Variants in SPATA31D1 observed in about 807,000 individuals in gnomAD.
SPATA31D1 encodes the protein spermatogenesis-associated protein 31D1.
SPATA31D1 carries 6 observed loss-of-function variants against 13.2 expected under a neutral mutation model. The observed-to-expected ratio is 0.46, with a 90% CI of 0.25 to 0.90. SPATA31D1 has a LOEUF of 0.90. Among genes scored for constraint, SPATA31D1 ranks in the 40% least tolerant of loss-of-function variants. SPATA31D1 has a pLI of 0.18. For missense variants in SPATA31D1, 2,445 were observed against 1,884.7 expected, an observed-to-expected ratio of 1.30 and a Z score of -5.50; for synonymous variants, 903 against 718.8, an observed-to-expected ratio of 1.26 and a Z score of -4.10.
At position 81,994,088 on chromosome 9, in the gene SPATA31D1, C is replaced by T; in HGVS notation, c.3618C>T (p.Ser1206=). 1 of 1,613,846 alleles carries T rather than the reference C, an allele frequency of 6.2e-7. No homozygotes were observed. Among genetic ancestry groups the T allele is most frequent in the Non-Finnish European group, 8.5e-7 (1 of 1,179,810 alleles). The change falls in exon 4 of 4, where the codon AGC becomes AGT. Residue 1206 remains serine, a synonymous_variant. Transcript: ENST00000344803. ...CATACCTTAAAAATCAGATGTTGAG[C>T]CAGTTAAAGTTGGTCCAGAGGAAGC... ...KSSYLKNQML[S]QLKLVQRKHS... is the part of the protein sequence containing the mutation.
Position 81,992,541 on chromosome 9 carries a change from A to G in SPATA31D1, c.2071A>G (p.Ile691Val). ...GGTAAGGAAGAAACTAGAGCAACAC[A>G]TTCGAAGGAGGCTCATCCAGCGCAG... ...SEVRKKLEQHIRRRLIQRRWG... is the reference protein window; with the variant it reads ...SEVRKKLEQHVRRRLIQRRWG... The change falls in exon 4 of 4, where the codon ATT (isoleucine) becomes GTT (valine). Residue 691 changes from isoleucine to valine, a missense_variant. By Grantham distance (29) the Ile-to-Val change is conservative. Coordinates refer to ENST00000344803, the MANE Select transcript of SPATA31D1 (RefSeq NM_001001670.3). 6 of 1,611,976 alleles carry G rather than the reference A, an allele frequency of 3.7e-6. No homozygotes were observed. Among genetic ancestry groups the G allele is most frequent in the South Asian group, 2.2e-5 (2 of 90,996 alleles).
chr9:81,994,285 C>A lies in SPATA31D1; in HGVS notation c.3815C>A (p.Pro1272His). 1.9e-6 allele frequency: 3 copies of A among 1,613,930 alleles called. No individual in the cohort carries two copies. The highest frequency in any genetic ancestry group is 1.3e-5 in the African/African-American group (1 of 75,020). The change falls in exon 4 of 4, where the codon CCC (proline) becomes CAC (histidine). Residue 1272 changes from proline (P) to histidine (H), a missense_variant. By Grantham distance (77) the Pro-to-His change is moderately conservative. Transcript: ENST00000344803. Reference protein sequence around the residue: ...SGIRVAQKQEPRVPTCVLQKC... With the variant: ...SGIRVAQKQEHRVPTCVLQKC... ...ATCCGTGTGGCACAGAAGCAGGAGC[C>A]CAGGGTCCCTACCTGTGTCTTACAG... is the stretch of plus-strand genomic sequence containing the variant.
intron 1 of SPATA31D1, 63 bp from the exon 2 acceptor site, chr9:81,989,704 GAATGAATGAAT>G: frequency 1.4e-6 from 2 of 1,457,744 alleles, no homozygotes; most frequent in Non-Finnish European, 1.9e-6. Flanking sequence ...ATGAATGAAT[GAATGAATGAAT>G]GAGCTTCATA....
chr9:81,993,535 C>T lies in SPATA31D1; in HGVS notation c.3065C>T (p.Ser1022Phe). The T allele has an allele frequency of 6.2e-7, 1 of 1,613,778 alleles. No individual in the cohort carries two copies. The highest frequency in any genetic ancestry group is 8.5e-7 in the Non-Finnish European group (1 of 1,179,840). ...GAGACAGATTCCAAAGACGGGGCCT[C>T]CACATCCCTTAGAAGAGGTACTACA... ...LIETDSKDGA[S>F]TSLRRGTTDF... Residue 1022 changes from serine (S) to phenylalanine (F), a missense_variant, in exon 4 of 4, where the codon TCC (serine) becomes TTC (phenylalanine). Coordinates refer to ENST00000344803, the MANE Select transcript of SPATA31D1 (RefSeq NM_001001670.3).
chr9:81,994,409 A>G lies in SPATA31D1; in HGVS notation c.3939A>G (p.Thr1313=), dbSNP rs1194614315. Residue 1313 remains threonine (T), a synonymous_variant, in exon 4 of 4, where the codon ACA becomes ACG. Coordinates refer to ENST00000344803, the MANE Select transcript of SPATA31D1 (RefSeq NM_001001670.3). Reference sequence around the variant, plus strand: ...ATGGAGGGGATGCAGGGCTGGGGACATCCCAACGCAGGAGAAAGAGCCTCC... The same window carrying G: ...ATGGAGGGGATGCAGGGCTGGGGACGTCCCAACGCAGGAGAAAGAGCCTCC... ...ELDGGDAGLG[T]SQRRRKSLPV... The G allele has an allele frequency of 6.2e-7, 1 of 1,613,768 alleles. No homozygotes were observed. Among genetic ancestry groups the G allele is most frequent in the Non-Finnish European group, 8.5e-7 (1 of 1,179,834 alleles).
At position 81,991,939 on chromosome 9, in the gene SPATA31D1, A is replaced by G. The variant is rs1051327195; in HGVS notation, c.1469A>G (p.Lys490Arg). The G allele has an allele frequency of 3.5e-5, 56 of 1,613,628 alleles. No homozygotes were observed. Among genetic ancestry groups the G allele is most frequent in the Non-Finnish European group, 4.0e-5 (47 of 1,179,720 alleles). ...ATCCATCAGCAGCCTCCACACTCTA[A>G]ATGCTTTGAAGACCATTTAGAGCAA... ...QHIHQQPPHS[K>R]CFEDHLEQKY... The change falls in exon 4 of 4, where the codon AAA becomes AGA. Residue 490 changes from lysine (K) to arginine (R), a missense_variant. Transcript: ENST00000344803.
rs202197407 is a variant in SPATA31D1 at position 81,991,351 on chromosome 9, G to C, written c.881G>C (p.Arg294Pro). 5 of 1,613,994 alleles carry C rather than the reference G, an allele frequency of 3.1e-6. No homozygotes were observed. Among genetic ancestry groups the C allele is most frequent in the Non-Finnish European group, 3.4e-6 (4 of 1,179,908 alleles). The change falls in exon 4 of 4, where the codon CGT (arginine) becomes CCT (proline). Residue 294 changes from arginine to proline, a missense_variant. Coordinates refer to ENST00000344803, the MANE Select transcript of SPATA31D1 (RefSeq NM_001001670.3). ...ATGAATCCCATTGATTCTTGTGCTCGTCATCACGGACCACCAATCCCATCT... is the reference window on the plus strand; with the variant it reads ...ATGAATCCCATTGATTCTTGTGCTCCTCATCACGGACCACCAATCCCATCT... ...QAMNPIDSCA[R>P]HHGPPIPSAL...
At position 81,993,569 on chromosome 9, in the gene SPATA31D1, A is replaced by G; in HGVS notation, c.3099A>G (p.Gln1033=). The G allele has an allele frequency of 6.2e-7, 1 of 1,613,930 alleles. No individual in the cohort carries two copies. Among genetic ancestry groups the G allele is most frequent in the Admixed American group, 1.7e-5 (1 of 60,024 alleles). ...TSLRRGTTDF[Q]SEKLDSTSSF... Reference sequence around the variant, plus strand: ...TTAGAAGAGGTACTACAGATTTTCAAAGCGAAAAATTAGATTCAACAAGCT... The same window carrying G: ...TTAGAAGAGGTACTACAGATTTTCAGAGCGAAAAATTAGATTCAACAAGCT... Residue 1033 remains glutamine (Q), a synonymous_variant, in exon 4 of 4, where the codon CAA becomes CAG. Transcript: ENST00000344803.
Position 81,993,433 on chromosome 9 carries a change from C to A in SPATA31D1, c.2963C>A (p.Pro988His), listed in dbSNP as rs372627275. ...SSVPILDRPH[P>H]VSSPVVQEGQ... ...GTCCCCATCCTTGATCGTCCTCACCCTGTCTCCTCACCTGTCGTCCAAGAA... is the reference window on the plus strand; with the variant it reads ...GTCCCCATCCTTGATCGTCCTCACCATGTCTCCTCACCTGTCGTCCAAGAA... The change falls in exon 4 of 4, where the codon CCT (proline) becomes CAT (histidine). Residue 988 changes from proline to histidine, a missense_variant. Coordinates refer to ENST00000344803, the MANE Select transcript of SPATA31D1 (RefSeq NM_001001670.3). The A allele has an allele frequency of 2.5e-6, 4 of 1,613,804 alleles. No homozygotes were observed. In the Admixed American group the frequency reaches 6.7e-5, roughly 27 times the overall value.
rs1426559920 is a variant in SPATA31D1 at position 81,991,694 on chromosome 9, C to G, written c.1224C>G (p.Ser408Arg). Residue 408 changes from serine (S) to arginine (R), a missense_variant, in exon 4 of 4, where the codon AGC becomes AGG. By Grantham distance (110) the Ser-to-Arg change is moderately radical. Transcript: ENST00000344803. ...AGCCTGTTAACATCTCATTTCTCAG[C>G]CATGACATTCTGGCACTCCTGGAGA... is the stretch of plus-strand genomic sequence containing the variant. ...LIEPVNISFL[S>R]HDILALLERQ... The G allele has an allele frequency of 6.2e-7, 1 of 1,613,782 alleles. No homozygotes were observed. Among genetic ancestry groups the G allele is most frequent in the African/African-American group, 1.3e-5 (1 of 74,906 alleles).
rs1453905359 is a variant in SPATA31D1, at chr9:81,993,212, G to A, written c.2742G>A (p.Met914Ile). The A allele has an allele frequency of 9.9e-6, 16 of 1,613,844 alleles. No individual in the cohort carries two copies. Among genetic ancestry groups the A allele is most frequent in the Non-Finnish European group, 1.3e-5 (15 of 1,179,894 alleles). The part of the protein sequence containing the change: ...EAHIKTFRMR[M>I]LWGLPLKVLE... Reference sequence around the variant, plus strand: ...ATATTAAAACTTTCCGTATGAGGATGCTGTGGGGCCTTCCCCTCAAGGTCC... The same window carrying A: ...ATATTAAAACTTTCCGTATGAGGATACTGTGGGGCCTTCCCCTCAAGGTCC... Residue 914 changes from methionine (M) to isoleucine (I), a missense_variant, in exon 4 of 4, where the codon ATG becomes ATA. By Grantham distance (10) the Met-to-Ile change is conservative. Coordinates refer to ENST00000344803, the MANE Select transcript of SPATA31D1 (RefSeq NM_001001670.3).
Position 81,990,904 on chromosome 9 carries a change from CT to C in SPATA31D1, c.436del (p.Trp146GlyfsTer4). ...RATADIQQLL[S>X]WESLKDAAPS... ...ACTGCTGATATCCAGCAACTGCTGT[CT>C]TGGGAGTCCCTGAAAGATGCTGCTC... On this transcript the variant is annotated frameshift_variant, in exon 4 of 4. Transcript: ENST00000344803. LOFTEE classifies it low-confidence loss of function (END_TRUNC). The C allele has an allele frequency of 6.2e-7, 1 of 1,613,944 alleles. No individual in the cohort carries two copies. Among genetic ancestry groups the C allele is most frequent in the South Asian group, 1.1e-5 (1 of 91,086 alleles).
Position 81,991,264 on chromosome 9 carries a change from G to A in SPATA31D1, c.794G>A (p.Ser265Asn). 6.2e-7 allele frequency: 1 copy of A among 1,614,004 alleles called. No individual in the cohort carries two copies. The highest frequency in any genetic ancestry group is 1.3e-5 in the African/African-American group (1 of 75,060). The change falls in exon 4 of 4, where the codon AGT becomes AAT. Residue 265 changes from serine to asparagine, a missense_variant. By Grantham distance (46) the Ser-to-Asn change is conservative (BLOSUM62 1). Transcript: ENST00000344803. ...GAGTCCAGCCTCCAACCTGAAGCCA[G>A]TTTGTCTCTGAACACCATCTTTTCA... is the stretch of plus-strand genomic sequence containing the variant. ...RVESSLQPEA[S>N]LSLNTIFSFG...
intron 3 of SPATA31D1, 87 bp downstream of exon 3, chr9:81,990,573 C>T: frequency 1.4e-6 from 2 of 1,430,930 alleles, no homozygotes; most frequent in Non-Finnish European, 1.9e-6. Context: ...TCCTTGTAGC[C>T]TGCTGTAGTT....
intron 1 of SPATA31D1, 128 bp downstream of exon 1, chr9:81,989,132 A>G: frequency 7.3e-7 from 1 of 1,373,906 alleles, no homozygotes; most frequent in Non-Finnish European, 9.8e-7. Flanking sequence ...AAGAGAGGAT[A>G]GAACTTCACT....
rs370707399 is a variant in SPATA31D1 at position 81,992,352 on chromosome 9, G to A, written c.1882G>A (p.Val628Met). 16 of 1,613,698 alleles carry A rather than the reference G, an allele frequency of 9.9e-6. No homozygotes were observed. In the African/African-American group the frequency reaches 1.3e-4, roughly 13 times the overall value. ...PSEINHLEWN[V>M]LQKVQESLWG... is the part of the protein sequence containing the mutation. ...TGAAATTAACCATCTGGAGTGGAAC[G>A]TGTTGCAGAAAGTGCAGGAAAGTTT... The change falls in exon 4 of 4, where the codon GTG becomes ATG. Residue 628 changes from valine (V) to methionine (M), a missense_variant. By Grantham distance (21) the Val-to-Met change is conservative (BLOSUM62 1). Coordinates refer to ENST00000344803, the MANE Select transcript of SPATA31D1 (RefSeq NM_001001670.3).
In SPATA31D1 at chr9:81,991,881, T is replaced by C; in HGVS notation, c.1411T>C (p.Trp471Arg). 1.2e-6 allele frequency: 2 copies of C among 1,613,810 alleles called. No individual in the cohort carries two copies. Among genetic ancestry groups the C allele is most frequent in the Non-Finnish European group, 1.7e-6 (2 of 1,179,724 alleles). Residue 471 changes from tryptophan to arginine, a missense_variant, in exon 4 of 4, where the codon TGG becomes CGG. Coordinates refer to ENST00000344803, the MANE Select transcript of SPATA31D1 (RefSeq NM_001001670.3). ...KHDLAESFPF[W>R]ASKGKLEWQH... ...TGACTTGGCAGAATCCTTTCCTTTT[T>C]GGGCCAGTAAAGGCAAACTAGAATG... is the stretch of plus-strand genomic sequence containing the variant.
At chr9:81,987,778 A>G (rs1824881572), upstream of SPATA31D1, among the ~76,000 whole-genome samples, 1 of 152,222 alleles carries the variant, frequency 6.6e-6, no homozygotes, top group Non-Finnish European at 1.5e-5. Context: ...AGTTTACAGG[A>G]TAGGCGATTA....
In SPATA31D1 at chr9:81,991,370, C is replaced by G. The variant is rs1462050564; in HGVS notation, c.900C>G (p.Ile300Met). Residue 300 changes from isoleucine to methionine, a missense_variant, in exon 4 of 4, where the codon ATC becomes ATG. Physicochemically the swap from Ile to Met is conservative, Grantham distance 10. Coordinates refer to ENST00000344803, the MANE Select transcript of SPATA31D1 (RefSeq NM_001001670.3). ...DSCARHHGPP[I>M]PSALPPEDCT... ...GTGCTCGTCATCACGGACCACCAATCCCATCTGCTTTACCACCGGAAGATT... is the reference window on the plus strand; with the variant it reads ...GTGCTCGTCATCACGGACCACCAATGCCATCTGCTTTACCACCGGAAGATT... 1.2e-6 allele frequency: 2 copies of G among 1,614,012 alleles called. No individual in the cohort carries two copies. The highest frequency in any genetic ancestry group is 1.7e-5 in the Admixed American group (1 of 60,030).
Sources: allele counts gnomAD v4.1 joint callset (sites outside exome capture counted in the v4.1 genomes callset), GRCh38; gene constraint gnomAD v4.1.1; transcripts MANE v1.5; gene names NCBI Gene and HGNC (gene_info 2026-07-23, HGNC 2026-07-21).